The following OAS3 variants were observed in gnomAD, a reference collection of about 807,000 sequenced individuals.
OAS3 encodes the protein 2'-5'-oligoadenylate synthetase 3.
Under a neutral mutation model 113.0 loss-of-function variants are expected in OAS3, and 107 were observed. The observed-to-expected ratio is 0.95, with a 90% CI of 0.81 to 1.11. OAS3 has a LOEUF of 1.11. OAS3 is among the 50% of genes most tolerant of loss of function. The pLI, the probability that OAS3 is intolerant of heterozygous loss-of-function variation, is 0.00. For synonymous variants in OAS3, 552 were observed against 573.6 expected (o/e 0.96, Z 0.54); for missense variants, 1,258 against 1,389.1 (o/e 0.91, Z 1.50).
intron 3 of OAS3, among the ~76,000 whole-genome samples, chr12:112,945,628 AG>A (rs1475173841): frequency 6.6e-6 from 1 of 152,194 alleles, no homozygotes; most frequent in Non-Finnish European, 1.5e-5. Context: ...CATCATAAGC[AG>A]GTCTCTCAAG....
intron 1 of OAS3, 106 bp from the exon 2 acceptor site, chr12:112,941,464 G>T: frequency 7.8e-7 from 1 of 1,279,068 alleles, no homozygotes. Context: ...CAGCCATGTG[G>T]CCACAGTCTC....
In OAS3 at chr12:112,948,968, A is replaced by G; in HGVS notation, c.1137A>G (p.Ala379=). The change falls in exon 6 of 16, where the codon GCA becomes GCG. Residue 379 remains alanine (A), a synonymous_variant. Transcript: ENST00000228928. The stretch of plus-strand genomic sequence containing the variant: ...GCCTCAATGCTGTGTACCCAAGAGC[A>G]GGGAGCAAACCTCCCTCATGCCCAG... The part of the protein sequence containing the change: ...SKSLNAVYPR[A]GSKPPSCPAP... 1 of 1,613,960 alleles carries G rather than the reference A, an allele frequency of 6.2e-7. No homozygotes were observed. The highest frequency in any genetic ancestry group is 8.5e-7 in the Non-Finnish European group (1 of 1,179,874).
intron 7 of OAS3, among the ~76,000 whole-genome samples, chr12:112,958,224 G>C (rs1161371581): frequency 6.6e-6 from 1 of 152,198 alleles, no homozygotes; most frequent in Non-Finnish European, 1.5e-5. Flanking sequence ...GTTCATTCTA[G>C]TTAGCCATTC....
rs200145411 is a variant in OAS3, at chr12:112,948,849, A to G, written c.1030-12A>G. On this transcript the variant is annotated splice_polypyrimidine_tract_variant and intron_variant, in intron 5 of 15. Transcript: ENST00000228928. ...GCGCCTGGCTGAGGCAGCTCCTTCA[A>G]TGACCTTCCAGGGCCTTCCACGTGC... 1.4e-4 allele frequency: 221 copies of G among 1,543,620 alleles called. No homozygotes were observed. In the African/African-American group the frequency reaches 2.2e-3, roughly 15 times the overall value.
At chr12:112,951,839 C>CAAAAAA (rs3038125) in intron 7 of OAS3, among the ~76,000 whole-genome samples, 456 of 105,468 alleles carry the variant, frequency 4.3e-3, no homozygotes, top group African/African-American at 8.1e-3. Flanking sequence ...ACTAAAAATA[C>CAAAAAA]AAAAAAAAAA....
intron 7 of OAS3, among the ~76,000 whole-genome samples, chr12:112,959,716 GCTGT>G (rs1413647566): frequency 1.5e-4 from 23 of 152,062 alleles, no homozygotes; most frequent in South Asian, 1.0e-3. Flanking sequence ...GTCTATCAGG[GCTGT>G]CTGTTTTTCA....
rs762325059 is a variant in OAS3, at chr12:112,964,411, G to A, written c.2403+3G>A. ...TCAAAGTGATCAAGGTGGTCAAGGT[G>A]AGTCCTCAGAGAGCTGTAGGCAAGC... On this transcript the variant is annotated splice_donor_region_variant and intron_variant, in intron 11 of 15. Coordinates refer to ENST00000228928, the MANE Select transcript of OAS3 (RefSeq NM_006187.4). The A allele has an allele frequency of 6.2e-7, 1 of 1,609,640 alleles. No individual in the cohort carries two copies. Among genetic ancestry groups the A allele is most frequent in the Non-Finnish European group, 8.5e-7 (1 of 1,178,046 alleles).
chr12:112,961,108 C>G lies in OAS3; in HGVS notation c.1695C>G (p.Val565=), dbSNP rs751766319. 5.4e-5 allele frequency: 87 copies of G among 1,613,332 alleles called. No individual in the cohort carries two copies. Among genetic ancestry groups the G allele is most frequent in the Non-Finnish European group, 7.1e-5 (84 of 1,179,848 alleles). Residue 565 remains valine (V), a synonymous_variant, in exon 8 of 16, where the codon GTC becomes GTG. Coordinates refer to ENST00000228928, the MANE Select transcript of OAS3 (RefSeq NM_006187.4). ...LSSGTKPNPQ[V]YSRLLTSGCQ... ...CTGGCACCAAACCAAATCCCCAGGTCTACTCGAGGCTCCTCACCAGTGGCT... is the reference window on the plus strand; with the variant it reads ...CTGGCACCAAACCAAATCCCCAGGTGTACTCGAGGCTCCTCACCAGTGGCT...
chr12:112,969,774 C>T lies in OAS3; in HGVS notation c.3252+19C>T, dbSNP rs757403. On this transcript the variant is annotated intron_variant, in intron 15 of 15. Transcript: ENST00000228928. The stretch of plus-strand genomic sequence containing the variant: ...AGTGAAGGTGAGAGATCTGTGGTGC[C>T]AAAGGAAGTACCCTTTAGGGGTAAG... The T allele has an allele frequency of 1.9e-3, 3,061 of 1,610,518 alleles. 59 individuals carry two copies. In the African/African-American group the frequency reaches 0.036, roughly 19 times the overall value.
Position 112,943,958 on chromosome 12 carries a change from G to T in OAS3, c.461-518G>T, listed in dbSNP as rs573485098. ...ACCTCCCACCTTGGCCTCCCAAAGTGCTGGGATTACAGGTGTGAGCCACAG... is the reference window on the plus strand; with the variant it reads ...ACCTCCCACCTTGGCCTCCCAAAGTTCTGGGATTACAGGTGTGAGCCACAG... On this transcript the variant is annotated intron_variant, in intron 2 of 15. Coordinates refer to ENST00000228928, the MANE Select transcript of OAS3 (RefSeq NM_006187.4). Among the ~76,000 whole-genome samples the T allele has an allele frequency of 2.0e-5, 3 of 152,304 alleles. No homozygotes were observed. In the South Asian group the frequency reaches 6.2e-4, roughly 32 times the overall value.
At chr12:112,945,693 T>A (rs1393913165) in intron 3 of OAS3, among the ~76,000 whole-genome samples, 1 of 152,238 alleles carries the variant, frequency 6.6e-6, no homozygotes, top group African/African-American at 2.4e-5. Context: ...TGTGTGACCC[T>A]GGACAAGTTC....
In OAS3 at chr12:112,961,147, G is replaced by C; in HGVS notation, c.1734G>C (p.Glu578Asp). 1 of 1,613,350 alleles carries C rather than the reference G, an allele frequency of 6.2e-7. No individual in the cohort carries two copies. The highest frequency in any genetic ancestry group is 1.3e-5 in the African/African-American group (1 of 74,440). ...RLLTSGCQEG[E>D]HKACFAELRR... Reference sequence around the variant, plus strand: ...TCACCAGTGGCTGCCAGGAGGGCGAGCATAAGGCCTGCTTCGCAGAGCTGC... The same window carrying C: ...TCACCAGTGGCTGCCAGGAGGGCGACCATAAGGCCTGCTTCGCAGAGCTGC... The change falls in exon 8 of 16, where the codon GAG becomes GAC. Residue 578 changes from glutamate (E) to aspartate (D), a missense_variant. Coordinates refer to ENST00000228928, the MANE Select transcript of OAS3 (RefSeq NM_006187.4).
intron 3 of OAS3, chr12:112,945,155 T>G: frequency 4.9e-6 from 1 of 202,668 alleles, no homozygotes; most frequent in Non-Finnish European, 1.0e-5. Context: ...CTACTAAAAA[T>G]ACAAAATGTA....
rs558392949 is a variant in OAS3, at chr12:112,951,883, G to A, written c.1657+908G>A. ...AAAAAATAGCCTGGCATGGTGGCAC[G>A]CACCTGTAATCCCAGCTACTCGGGA... On this transcript the variant is annotated intron_variant, in intron 7 of 15. Coordinates refer to ENST00000228928, the MANE Select transcript of OAS3 (RefSeq NM_006187.4). Among the ~76,000 whole-genome samples, 16 of 147,838 alleles carry A rather than the reference G, an allele frequency of 1.1e-4. 1 individual carries two copies. In the South Asian group the frequency reaches 1.7e-3, roughly 16 times the overall value.
In OAS3 at chr12:112,965,738, C is replaced by A. The variant is rs375736048; in HGVS notation, c.2404-6C>A. On this transcript the variant is annotated splice_region_variant and splice_polypyrimidine_tract_variant and intron_variant, in intron 11 of 15. Coordinates refer to ENST00000228928, the MANE Select transcript of OAS3 (RefSeq NM_006187.4). Reference sequence around the variant, plus strand: ...AGGGTTGAGCCACCTGCCATGTCCTCTCCAGGGTGGCTCTTCAGCCAAAGG... The same window carrying A: ...AGGGTTGAGCCACCTGCCATGTCCTATCCAGGGTGGCTCTTCAGCCAAAGG... 6.2e-7 allele frequency: 1 copy of A among 1,606,078 alleles called. No homozygotes were observed. The highest frequency in any genetic ancestry group is 1.1e-5 in the South Asian group (1 of 90,450).
Position 112,946,765 on chromosome 12 carries a change from A to G in OAS3, c.659A>G (p.Lys220Arg), listed in dbSNP as rs2043733776. ...YHQVCLQGLWKETLPPVYALE... is the reference protein window; with the variant it reads ...YHQVCLQGLWRETLPPVYALE... ...CAGGTGTGCCTACAGGGGTTGTGGA[A>G]GGAGACGCTGCCCCCGGTCTATGCC... Residue 220 changes from lysine (K) to arginine (R), a missense_variant, in exon 4 of 16, where the codon AAG becomes AGG. Coordinates refer to ENST00000228928, the MANE Select transcript of OAS3 (RefSeq NM_006187.4). 1 of 1,611,432 alleles carries G rather than the reference A, an allele frequency of 6.2e-7. No individual in the cohort carries two copies. The highest frequency in any genetic ancestry group is 1.3e-5 in the African/African-American group (1 of 74,884).
intron 1 of OAS3, among the ~76,000 whole-genome samples, chr12:112,939,080 G>A (rs2043656585): frequency 1.3e-5 from 2 of 152,118 alleles, no homozygotes; most frequent in African/African-American, 4.8e-5. Flanking sequence ...AACAGACTGT[G>A]GGCCTCACAC....
intron 14 of OAS3, 199 bp from the exon 15 acceptor site, chr12:112,969,409 A>G: frequency 1.6e-6 from 1 of 622,494 alleles, no homozygotes; most frequent in Non-Finnish European, 2.8e-6. Context: ...TGTTTGCCTG[A>G]ATGCAGAATG....
Position 112,954,935 on chromosome 12 carries a change from G to A in OAS3, c.1657+3960G>A, listed in dbSNP as rs1405611291. 1.3e-5 allele frequency among the ~76,000 whole-genome samples: 2 copies of A among 152,268 alleles called. No homozygotes were observed. The highest frequency in any genetic ancestry group is 2.9e-5 in the Non-Finnish European group (2 of 68,008). Reference sequence around the variant, plus strand: ...GCAATATGGCCATTTTCACAATATTGATTCTTCCTATCCATGAGCATGGAA... The same window carrying A: ...GCAATATGGCCATTTTCACAATATTAATTCTTCCTATCCATGAGCATGGAA... On this transcript the variant is annotated intron_variant, in intron 7 of 15. Transcript: ENST00000228928. This position sits in a 1 kb window ranked among gnomAD's most constrained non-coding sequence, Gnocchi z 4.0.
Sources: allele counts gnomAD v4.1 joint callset (sites outside exome capture counted in the v4.1 genomes callset), GRCh38; gene constraint gnomAD v4.1.1; non-coding constraint Gnocchi (gnomAD v3.1); transcripts MANE v1.5; gene names NCBI Gene and HGNC (gene_info 2026-07-23, HGNC 2026-07-21).